The following SIPA1L1 variants were observed in gnomAD, a reference collection of about 807,000 sequenced individuals.
SIPA1L1 encodes signal induced proliferation associated 1 like 1.
In SIPA1L1, 26 loss-of-function variants were observed where a neutral mutation model predicts 162.7. That is an observed-to-expected ratio of 0.16 (90% CI 0.12 to 0.22). The LOEUF (loss-of-function observed/expected upper bound fraction) is 0.22, where lower values mean the gene tolerates loss of function less well. Among genes scored for constraint, SIPA1L1 ranks in the 10% least tolerant of loss-of-function variants. SIPA1L1 has a pLI of 1.00. For missense variants in SIPA1L1, 1,874 were observed against 2,241.0 expected (o/e 0.84, Z 3.31); for synonymous variants, 829 against 837.4 (o/e 0.99, Z 0.17).
intron 2 of SIPA1L1, among the ~76,000 whole-genome samples, chr14:71,429,915 T>A (rs1438695520): frequency 1.3e-5 from 2 of 152,166 alleles, no homozygotes; most frequent in African/African-American, 4.8e-5. Flanking sequence ...TGTTGAATAA[T>A]TGCAGGTAAA....
At chr14:71,700,468 A>T (rs769962670) in intron 14 of SIPA1L1, among the ~76,000 whole-genome samples, 4 of 152,258 alleles carry the variant, frequency 2.6e-5, no homozygotes, top group Admixed American at 6.5e-5. Flanking sequence ...ATAAATAGGT[A>T]TATTTACTCT....
chr14:71,595,452 A>G (rs142048618), intron 5 of SIPA1L1, among the ~76,000 whole-genome samples: 111 of 152,286 alleles, frequency 7.3e-4, no homozygotes, highest in African/African-American at 2.6e-3. Context: ...CCCAGAACCA[A>G]ATTTGATGCT....
rs779327611 is a variant in SIPA1L1 at position 71,704,794 on chromosome 14, T to TC, written c.3647-426dup. 16 of 1,592,712 alleles carry TC rather than the reference T, an allele frequency of 1.0e-5. No individual in the cohort carries two copies. The East Asian group carries it at 3.4e-4, about 33-fold the overall frequency. ...AGCATGAATATACAGGTAAAATATTTCCAAAGTGTCATGGTAAGTAACACG... is the reference window on the plus strand; with the variant it reads ...AGCATGAATATACAGGTAAAATATTTCCCAAAGTGTCATGGTAAGTAACACG... On this transcript the variant is annotated intron_variant, in intron 15 of 23. Coordinates refer to ENST00000381232, the MANE Select transcript of SIPA1L1 (RefSeq NM_001386936.1).
intron 10 of SIPA1L1, among the ~76,000 whole-genome samples, chr14:71,666,709 T>C (rs1257814793): frequency 1.3e-5 from 2 of 151,962 alleles, no homozygotes; most frequent in Non-Finnish European, 2.9e-5. Flanking sequence ...TATGATATAG[T>C]ACAAAAAGCA....
rs373107539 is a variant in SIPA1L1, at chr14:71,673,368, T to A, written c.3104+746T>A. Among the ~76,000 whole-genome samples the A allele has an allele frequency of 2.0e-4, 31 of 152,360 alleles. 1 individual carries two copies. The highest frequency in any genetic ancestry group is 1.9e-3 in the East Asian group (10 of 5,190). On this transcript the variant is annotated intron_variant, in intron 12 of 23. Transcript: ENST00000381232. ...TTTTTGCTAGTTTTTAAGATCTCTC[T>A]TTTTAGTTTATGCCATTATTTTCTA...
chr14:71,662,650 C>T (rs754552042), intron 10 of SIPA1L1, among the ~76,000 whole-genome samples: 22 of 152,150 alleles, frequency 1.4e-4, no homozygotes, highest in Non-Finnish European at 2.4e-4. Context: ...TTTTTCACTC[C>T]GAGCTCCCAA....
At chr14:71,334,683 A>G (rs1455402929) in intron 2 of SIPA1L1, among the ~76,000 whole-genome samples, 1 of 152,204 alleles carries the variant, frequency 6.6e-6, no homozygotes, top group Admixed American at 6.5e-5. Context: ...CATAACTTGA[A>G]TCCATTAACA....
At chr14:71,669,067 A>G (rs911252148) in intron 10 of SIPA1L1, among the ~76,000 whole-genome samples, 1 of 152,208 alleles carries the variant, frequency 6.6e-6, no homozygotes, top group African/African-American at 2.4e-5. Flanking sequence ...CCAAAACAAA[A>G]TCATTTATTT....
chr14:71,639,496 C>T (rs965995320), intron 7 of SIPA1L1, among the ~76,000 whole-genome samples: 18 of 152,150 alleles, frequency 1.2e-4, no homozygotes, highest in African/African-American at 4.1e-4. Context: ...TCAGTGTTCT[C>T]CAAACTGATA....
chr14:71,464,845 G>A (rs920265715), intron 2 of SIPA1L1, among the ~76,000 whole-genome samples: 6 of 152,028 alleles, frequency 3.9e-5, no homozygotes, highest in Non-Finnish European at 7.4e-5. Context: ...AGCGCACCCC[G>A]TCATGGGTCA....
At chr14:71,456,175 T>G (rs887966942) in intron 2 of SIPA1L1, among the ~76,000 whole-genome samples, 2 of 152,204 alleles carry the variant, frequency 1.3e-5, no homozygotes, top group African/African-American at 4.8e-5. Flanking sequence ...ACATCTCAAG[T>G]TGTTGTGTGG....
At position 71,377,517 on chromosome 14, in the gene SIPA1L1, C is replaced by T. The variant is rs2141123767; in HGVS notation, c.-465+56336C>T. ...ACTGGGTGGCCAGGCAGAGGGGCTC[C>T]TCACATCCCAGACCATGGGCAGCCA... On this transcript the variant is annotated intron_variant, in intron 2 of 23. Coordinates refer to ENST00000381232, the MANE Select transcript of SIPA1L1 (RefSeq NM_001386936.1). This position sits in a 1 kb window ranked among gnomAD's most constrained non-coding sequence, Gnocchi z 4.8. Among the ~76,000 whole-genome samples the T allele has an allele frequency of 6.6e-6, 1 of 152,108 alleles. No individual in the cohort carries two copies. The highest frequency in any genetic ancestry group is 2.1e-4 in the South Asian group (1 of 4,812).
chr14:71,682,606 A>G (rs2045908232), intron 12 of SIPA1L1, among the ~76,000 whole-genome samples: 1 of 152,208 alleles, frequency 6.6e-6, no homozygotes, highest in South Asian at 2.1e-4. Flanking sequence ...GTTTCTAGTT[A>G]TATGTTATGA....
intron 2 of SIPA1L1, among the ~76,000 whole-genome samples, chr14:71,404,782 T>G (rs964266447): frequency 6.6e-6 from 1 of 152,220 alleles, no homozygotes; most frequent in Non-Finnish European, 1.5e-5. Context: ...GGAAAGAATT[T>G]CATTTTACAA....
intron 2 of SIPA1L1, among the ~76,000 whole-genome samples, chr14:71,373,451 C>T (rs906631431): frequency 2.6e-5 from 4 of 151,832 alleles, no homozygotes; most frequent in Admixed American, 1.3e-4. Context: ...GGTGAAATCC[C>T]GCTTCTACTA....
In SIPA1L1 at chr14:71,739,101, C is replaced by A; in HGVS notation, c.5292C>A (p.Asn1764Lys). Residue 1764 changes from asparagine (N) to lysine (K), a missense_variant, in exon 24 of 24, where the codon AAC becomes AAA. Coordinates refer to ENST00000381232, the MANE Select transcript of SIPA1L1 (RefSeq NM_001386936.1). ...TGAGGCTACAGGAGGAGTCCCAGAA[C>A]GCCTCGGACAAGCTGAAGAAGTTCA... ...DNLRLQEESQ[N>K]ASDKLKKFTE... 6.2e-7 allele frequency: 1 copy of A among 1,614,068 alleles called. No homozygotes were observed. Among genetic ancestry groups the A allele is most frequent in the Non-Finnish European group, 8.5e-7 (1 of 1,179,966 alleles).
At chr14:71,405,397 T>G (rs1480675207) in intron 2 of SIPA1L1, among the ~76,000 whole-genome samples, 1 of 152,214 alleles carries the variant, frequency 6.6e-6, no homozygotes, top group Non-Finnish European at 1.5e-5. Context: ...TAACTAATCA[T>G]GTAGGTCCTT....
chr14:71,454,491 A>G (rs1409266698), intron 2 of SIPA1L1, among the ~76,000 whole-genome samples: 1 of 152,212 alleles, frequency 6.6e-6, no homozygotes, highest in Admixed American at 6.5e-5. Context: ...AAACATTTTA[A>G]TTAAAGCATC....
At chr14:71,717,204 A>C (rs1206725000) in intron 17 of SIPA1L1, among the ~76,000 whole-genome samples, 1 of 152,152 alleles carries the variant, frequency 6.6e-6, no homozygotes, top group Non-Finnish European at 1.5e-5. Flanking sequence ...GACCTCTTTT[A>C]TATGGGGTAT....
Sources: allele counts gnomAD v4.1 joint callset (sites outside exome capture counted in the v4.1 genomes callset), GRCh38; gene constraint gnomAD v4.1.1; non-coding constraint Gnocchi (gnomAD v3.1); transcripts MANE v1.5; gene names NCBI Gene and HGNC (gene_info 2026-07-23, HGNC 2026-07-21).